The following ZFHX3 variants were observed in gnomAD, a reference collection of about 807,000 sequenced individuals.
The protein encoded by ZFHX3 is zinc finger homeobox 3.
In ZFHX3, 42 loss-of-function variants were observed where a neutral mutation model predicts 279.1. The observed-to-expected ratio is 0.15, with a 90% CI of 0.12 to 0.19. The LOEUF (loss-of-function observed/expected upper bound fraction) is 0.19. ZFHX3 is among the 10% of genes least tolerant of loss of function. The pLI is 1.00. For synonymous variants in ZFHX3, 2,293 were observed against 1,957.8 expected, an observed-to-expected ratio of 1.17 and a Z score of -4.52; for missense variants, 4,981 against 4,754.0, an observed-to-expected ratio of 1.05 and a Z score of -1.40.
At chr16:73,388,386 A>G (rs2016943160) in intron 3 of ZFHX3, among the ~76,000 whole-genome samples, 1 of 152,238 alleles carries the variant, frequency 6.6e-6, no homozygotes, top group Non-Finnish European at 1.5e-5. Context: ...AGGTTCCAAG[A>G]AAGTACGTTG....
At chr16:73,120,203 C>T (rs1966479806) in intron 7 of ZFHX3, among the ~76,000 whole-genome samples, 1 of 152,152 alleles carries the variant, frequency 6.6e-6, no homozygotes, top group Non-Finnish European at 1.5e-5. Context: ...AGTCCTGCCC[C>T]TTGAATCACA....
At chr16:73,800,807 T>G (rs1960124210) in intron 1 of ZFHX3, among the ~76,000 whole-genome samples, 1 of 152,118 alleles carries the variant, frequency 6.6e-6, no homozygotes, top group African/African-American at 2.4e-5. Context: ...AGACTCCGTC[T>G]ACCCCCAAAA....
At position 72,793,737 on chromosome 16, in the gene ZFHX3, T is replaced by G. The variant is rs2143386406; in HGVS notation, c.8945A>C (p.Asp2982Ala). The G allele has an allele frequency of 1.9e-6, 3 of 1,614,206 alleles. No homozygotes were observed. The highest frequency in any genetic ancestry group is 2.5e-6 in the Non-Finnish European group (3 of 1,180,034). The part of the protein sequence containing the change: ...TMLECEVLGN[D>A]IGLPKRVVQV... Reference sequence around the variant, plus strand: ...AACGACTCTCTTTGGCAGTCCAATGTCATTGCCCAGGACCTCACATTCTAG... The same window carrying G: ...AACGACTCTCTTTGGCAGTCCAATGGCATTGCCCAGGACCTCACATTCTAG... The change falls in exon 9 of 10, where the codon GAC becomes GCC. Residue 2982 changes from aspartate to alanine, a missense_variant. By Grantham distance (126) the Asp-to-Ala change is moderately radical. Coordinates refer to ENST00000268489, the MANE Select transcript of ZFHX3 (RefSeq NM_006885.4). This position sits in a 1 kb window ranked among gnomAD's most constrained non-coding sequence, Gnocchi z 4.3.
intron 3 of ZFHX3, among the ~76,000 whole-genome samples, chr16:73,408,543 C>A (rs1036112136): frequency 6.6e-6 from 1 of 152,124 alleles, no homozygotes; most frequent in African/African-American, 2.4e-5. Context: ...TGCTGCAGTT[C>A]CATATGTGTC....
rs190702394 is a variant in ZFHX3 at position 73,555,491 on chromosome 16, G to A, written c.-1546-99233C>T. Among the ~76,000 whole-genome samples the A allele has an allele frequency of 5.3e-3, 800 of 151,110 alleles. 13 individuals are homozygous for A. Among genetic ancestry groups the A allele is most frequent in the African/African-American group, 0.019 (780 of 41,306 alleles). ...TTTTTAAGAGGCTCTCTGCCCCTCCGCTTCCCTCCCCAGTGGGATTTCAGG... is the reference window on the plus strand; with the variant it reads ...TTTTTAAGAGGCTCTCTGCCCCTCCACTTCCCTCCCCAGTGGGATTTCAGG... On this transcript the variant is annotated intron_variant, in intron 2 of 17. Transcript: ENST00000641206.
chr16:73,159,062 A>G (rs143723623), intron 5 of ZFHX3, among the ~76,000 whole-genome samples: 5,358 of 152,324 alleles, frequency 0.035, 153 homozygotes, highest in Non-Finnish European at 0.054. Flanking sequence ...TTGCAACAAA[A>G]GCAAAAATTG....
chr16:72,813,485 G>A (rs531703540), intron 5 of ZFHX3, among the ~76,000 whole-genome samples: 7 of 152,302 alleles, frequency 4.6e-5, no homozygotes, highest in African/African-American at 1.2e-4. Flanking sequence ...TTTGCCAAAT[G>A]CAGGAAATAT....
chr16:73,859,304 G>C (rs1961820828), intron 1 of ZFHX3, among the ~76,000 whole-genome samples: 2 of 152,168 alleles, frequency 1.3e-5, no homozygotes, highest in South Asian at 2.1e-4. Flanking sequence ...ACCCGGCTGG[G>C]GAGTCAGAAT....
intron 2 of ZFHX3, among the ~76,000 whole-genome samples, chr16:73,648,332 G>C (rs1283376543): frequency 6.6e-6 from 1 of 152,176 alleles, no homozygotes. Context: ...GGGTTTATAG[G>C]ACTAGAAAAA....
chr16:73,325,565 C>T (rs539057935), intron 3 of ZFHX3, among the ~76,000 whole-genome samples: 82 of 152,068 alleles, frequency 5.4e-4, no homozygotes, highest in Middle Eastern at 3.4e-3. Flanking sequence ...AAGGTAGGTG[C>T]GAAGTAGCTC....
Position 72,795,246 on chromosome 16 carries a change from G to A in ZFHX3, c.7436C>T (p.Ser2479Leu), listed in dbSNP as rs751784709. 2.0e-5 allele frequency: 32 copies of A among 1,610,990 alleles called. No individual in the cohort carries two copies. The Admixed American group carries it at 2.7e-4, about 13-fold the overall frequency. Residue 2479 changes from serine (S) to leucine (L), a missense_variant, in exon 9 of 10, where the codon TCG becomes TTG. This residue lies in a region of ZFHX3 where 744 missense variants were observed against 701.3 expected (regional missense o/e 1.06). Transcript: ENST00000268489. ...QKLPQLVSLP[S>L]LPQPPPQAPP... Reference sequence around the variant, plus strand: ...CGCTTGTGGAGGAGGCTGTGGCAACGAAGGCAGGGACACCAGCTGGGGGAG... The same window carrying A: ...CGCTTGTGGAGGAGGCTGTGGCAACAAAGGCAGGGACACCAGCTGGGGGAG...
chr16:72,791,100 G>A (rs2035681221), intron 9 of ZFHX3: 1 of 152,112 alleles, frequency 6.6e-6, no homozygotes, highest in South Asian at 2.1e-4. Context: ...TACAAATCTG[G>A]AGTCACACTG....
chr16:73,234,994 C>G (rs2144935715), intron 5 of ZFHX3, among the ~76,000 whole-genome samples: 1 of 152,344 alleles, frequency 6.6e-6, no homozygotes. Context: ...GCAGACAATG[C>G]TGTCTAGAAG....
chr16:73,548,237 C>G (rs190953772), intron 2 of ZFHX3, among the ~76,000 whole-genome samples: 9 of 152,356 alleles, frequency 5.9e-5, no homozygotes, highest in African/African-American at 2.2e-4. Context: ...AAAAAGCACT[C>G]AAATTCTCAG....
intron 3 of ZFHX3, among the ~76,000 whole-genome samples, chr16:73,372,176 A>G (rs955510814): frequency 6.6e-6 from 1 of 152,178 alleles, no homozygotes; most frequent in South Asian, 2.1e-4. Context: ...GTCTACTCTC[A>G]TGGCTGATTA....
chr16:73,238,928 C>T (rs73597377), intron 5 of ZFHX3, among the ~76,000 whole-genome samples: 1,830 of 152,196 alleles, frequency 0.012, 32 homozygotes, highest in African/African-American at 0.041. Context: ...CTCCCCCGAC[C>T]GAAACCTCCC....
At chr16:73,866,066 A>C (rs1279234996) in intron 1 of ZFHX3, among the ~76,000 whole-genome samples, 1 of 151,982 alleles carries the variant, frequency 6.6e-6, no homozygotes, top group African/African-American at 2.4e-5. Flanking sequence ...CTCAATCTTA[A>C]AACACACTTT....
chr16:73,661,723 G>GA (rs112763443), intron 2 of ZFHX3, among the ~76,000 whole-genome samples: 3,708 of 56,618 alleles, frequency 0.065, 119 homozygotes, highest in African/African-American at 0.12. Flanking sequence ...CTCCATCTCA[G>GA]AAAAAAAAAA....
chr16:73,737,407 T>C (rs1018863517), intron 1 of ZFHX3, among the ~76,000 whole-genome samples: 1 of 152,208 alleles, frequency 6.6e-6, no homozygotes, highest in Admixed American at 6.5e-5. Context: ...AAATTTAACC[T>C]GCTCTCCAAG....
Sources: gnomAD v4.1 joint callset for allele counts (sites outside exome capture counted in the v4.1 genomes callset) on GRCh38, gnomAD v4.1.1 for gene constraint, gnomAD v4.1.1 regional missense constraint, Gnocchi (gnomAD v3.1) non-coding constraint, MANE v1.5 for transcripts, NCBI Gene and HGNC (gene_info 2026-07-23, HGNC 2026-07-21) for gene names.